Variants in DAB1 observed in about 807,000 individuals in gnomAD.
The protein encoded by DAB1 is DAB adaptor protein 1.
Under a neutral mutation model 64.6 loss-of-function variants are expected in DAB1, and 15 were observed. That is an observed-to-expected ratio of 0.23 (90% CI 0.16 to 0.36). DAB1 has a LOEUF of 0.36. DAB1 is among the 10% of genes least tolerant of loss of function. DAB1 has a pLI of 1.00. For missense variants in DAB1, 596 were observed against 706.7 expected (o/e 0.84, Z 1.78); for synonymous variants, 235 against 251.9 (o/e 0.93, Z 0.64).
At chr1:57,680,050 A>T (rs942724641) in intron 6 of DAB1, among the ~76,000 whole-genome samples, 5 of 152,254 alleles carry the variant, frequency 3.3e-5, no homozygotes, top group Non-Finnish European at 5.9e-5. Flanking sequence ...TATGATGGAA[A>T]TAGCAATGTG....
At chr1:58,127,181 A>G (rs867117339) in intron 5 of DAB1, among the ~76,000 whole-genome samples, 148 of 151,690 alleles carry the variant, frequency 9.8e-4, no homozygotes, top group African/African-American at 3.1e-3. Flanking sequence ...TCTCATTGTG[A>G]TTTTGATTTG....
In DAB1 at chr1:57,136,568, A is replaced by G; in HGVS notation, c.281T>C (p.Ile94Thr). 1 of 1,510,212 alleles carries G rather than the reference A, an allele frequency of 6.6e-7. No homozygotes were observed. The highest frequency in any genetic ancestry group is 2.4e-5 in the East Asian group (1 of 42,262). The allele number at this position is 1,510,212 out of a possible 1,614,324, so 93.6% of individuals were successfully genotyped here. Residue 94 changes from isoleucine (I) to threonine (T), a missense_variant, in exon 4 of 15, where the codon ATC (isoleucine) becomes ACC (threonine). By Grantham distance (89) the Ile-to-Thr change is moderately conservative. This residue lies in a region of DAB1 where 176 missense variants were observed against 266.7 expected (regional missense o/e 0.66). Transcript: ENST00000371236. ...CCCTGTCTTCTCATCAAAGATTTTG[A>G]TTCCTCCAAAGGAGATGGTTAAAAA... ...KIFLTISFGG[I>T]KIFDEKTGAL...
At chr1:57,996,834 C>A (rs539336714) in intron 5 of DAB1, among the ~76,000 whole-genome samples, 1 of 152,248 alleles carries the variant, frequency 6.6e-6, no homozygotes, top group African/African-American at 2.4e-5. Context: ...TTAGAATTTT[C>A]TCTTCCTTAG....
rs147460033 is a variant in DAB1, at chr1:57,094,757, G to A, written c.307-22343C>T. ...TTATCACTGTCCTATGCTCAATTCT[G>A]TCTCTCATTCCTGGGTCATACCTGG... On this transcript the variant is annotated intron_variant, in intron 4 of 14. Coordinates refer to ENST00000371236, the MANE Select transcript of DAB1 (RefSeq NM_001365792.1). Among the ~76,000 whole-genome samples the A allele has an allele frequency of 5.3e-5, 8 of 152,234 alleles. No homozygotes were observed. In the East Asian group the frequency reaches 1.5e-3, roughly 29 times the overall value.
chr1:57,187,455 G>A (rs1663681257), intron 2 of DAB1, among the ~76,000 whole-genome samples: 1 of 152,164 alleles, frequency 6.6e-6, no homozygotes, highest in African/African-American at 2.4e-5. Context: ...TATGATTCTG[G>A]AAAGTGTATA....
In DAB1 at chr1:57,949,621, T is replaced by C. The variant is rs114211124; in HGVS notation, n.388-65459A>G. On this transcript the variant is annotated intron_variant and non_coding_transcript_variant, in intron 5 of 20. Coordinates refer to the DAB1 transcript ENST00000485760. ...AGAATACATTACTTAGATTTTCTTG[T>C]TTTTATACTTTATGAAAATGGAATC... Among the ~76,000 whole-genome samples, 1,028 of 152,278 alleles carry C rather than the reference T, an allele frequency of 6.8e-3. 13 individuals carry two copies. The highest frequency in any genetic ancestry group is 0.024 in the African/African-American group (987 of 41,562).
chr1:57,671,476 A>C (rs748649302), intron 6 of DAB1, among the ~76,000 whole-genome samples: 1 of 152,098 alleles, frequency 6.6e-6, no homozygotes, highest in Non-Finnish European at 1.5e-5. Context: ...GAAGTCTAAG[A>C]TTTTAAAAAT....
chr1:57,058,265 C>T lies in DAB1; in HGVS notation c.723+4619G>A, dbSNP rs553036196. Among the ~76,000 whole-genome samples, 14 of 152,250 alleles carry T rather than the reference C, an allele frequency of 9.2e-5. No homozygotes were observed. In the South Asian group the frequency reaches 2.1e-3, roughly 23 times the overall value. On this transcript the variant is annotated intron_variant, in intron 9 of 14. Coordinates refer to ENST00000371236, the MANE Select transcript of DAB1 (RefSeq NM_001365792.1). ...GTGGAACAGGGAAAGAATGGTTAAA[C>T]ACAAAGTGGAAGAAGGGCCAGGCAA...
chr1:57,844,040 A>G (rs1473245977), intron 1 of DAB1, among the ~76,000 whole-genome samples: 2 of 152,182 alleles, frequency 1.3e-5, no homozygotes, highest in Admixed American at 6.5e-5. Flanking sequence ...TCTCTTTTCA[A>G]TCTTACATAA....
chr1:57,654,502 T>C (rs1306966287), intron 6 of DAB1, among the ~76,000 whole-genome samples: 1 of 152,238 alleles, frequency 6.6e-6, no homozygotes, highest in Non-Finnish European at 1.5e-5. Flanking sequence ...GGGTTTGTTA[T>C]AATTATGTTC....
intron 2 of DAB1, among the ~76,000 whole-genome samples, chr1:57,251,991 G>A (rs1669378039): frequency 6.6e-6 from 1 of 152,230 alleles, no homozygotes; most frequent in African/African-American, 2.4e-5. Context: ...AGATGAAAGT[G>A]AAACACACCT....
intron 1 of DAB1, among the ~76,000 whole-genome samples, chr1:57,314,705 C>T (rs1675040239): frequency 1.3e-5 from 2 of 151,574 alleles, no homozygotes; most frequent in Non-Finnish European, 2.9e-5. Context: ...ATCGCTTGAG[C>T]TCAGGAGTCC....
In DAB1 at chr1:58,251,366, T is replaced by C. The variant is rs891569679; in HGVS notation, n.309+91986A>G. 2.0e-5 allele frequency among the ~76,000 whole-genome samples: 3 copies of C among 152,120 alleles called. No individual in the cohort carries two copies. The South Asian group carries it at 6.2e-4, about 31-fold the overall frequency. On this transcript the variant is annotated intron_variant and non_coding_transcript_variant, in intron 4 of 20. Coordinates refer to the DAB1 transcript ENST00000485760. ...ACCTGCTCTTTAGTAAGACGGAAAA[T>C]AAACAAGTAAATCAGCAAGAAACTA...
At chr1:57,700,571 C>T (rs894916130) in intron 6 of DAB1, among the ~76,000 whole-genome samples, 7 of 152,136 alleles carry the variant, frequency 4.6e-5, no homozygotes, top group African/African-American at 1.7e-4. Context: ...TGAACCGAAG[C>T]CCCTTTATAT....
chr1:57,033,171 T>TACACACACACAC (rs141683665), intron 9 of DAB1, among the ~76,000 whole-genome samples: 1 of 149,362 alleles, frequency 6.7e-6, no homozygotes, highest in South Asian at 2.1e-4. Flanking sequence ...CACTTTTGTT[T>TACACACACACAC]ACACACACAC....
chr1:57,084,057 G>A (rs1441842515), intron 4 of DAB1, among the ~76,000 whole-genome samples: 2 of 152,196 alleles, frequency 1.3e-5, no homozygotes, highest in Non-Finnish European at 2.9e-5. Context: ...ATTGTTAAGT[G>A]TTGAATTATG....
At chr1:58,250,438 G>GGCGGTGGCA (rs1270220728) in intron 4 of DAB1, among the ~76,000 whole-genome samples, 1 of 152,252 alleles carries the variant, frequency 6.6e-6, no homozygotes, top group East Asian at 1.9e-4. Context: ...CAGCAGTAGT[G>GGCGGTGGCA]GCGGTGGCAG....
chr1:57,722,931 G>A (rs1283391372), intron 6 of DAB1, among the ~76,000 whole-genome samples: 1 of 152,122 alleles, frequency 6.6e-6, no homozygotes, highest in African/African-American at 2.4e-5. Flanking sequence ...ACCACTCCAA[G>A]GTATCCAAGA....
At chr1:57,189,805 G>A (rs1331980322) in intron 2 of DAB1, among the ~76,000 whole-genome samples, 2 of 149,296 alleles carry the variant, frequency 1.3e-5, no homozygotes, top group Non-Finnish European at 3.0e-5. Flanking sequence ...CCAGCTCTGA[G>A]AAGCCAACAT....
Sources: allele counts gnomAD v4.1 joint callset (sites outside exome capture counted in the v4.1 genomes callset), GRCh38; gene constraint gnomAD v4.1.1; regional missense constraint gnomAD v4.1.1; transcripts MANE v1.5; gene names NCBI Gene and HGNC (gene_info 2026-07-23, HGNC 2026-07-21).